Variants in CDIN1 observed in about 807,000 individuals in gnomAD.
CDIN1 encodes the protein CDAN1-interacting nuclease 1.
In CDIN1, 33 loss-of-function variants were observed where a neutral mutation model predicts 45.3. That is an observed-to-expected ratio of 0.73 (90% CI 0.55 to 0.97). The LOEUF is 0.97. Among genes scored for constraint, CDIN1 ranks in the 50% least tolerant of loss-of-function variants. The probability of loss-of-function intolerance (pLI) is 0.00; values close to 1 mark genes in which losing one functional copy is unlikely to be tolerated. For synonymous variants in CDIN1, 118 were observed against 124.4 expected (o/e 0.95, Z 0.34); for missense variants, 303 against 339.4 (o/e 0.89, Z 0.84).
At chr15:36,618,888 C>A in intron 1 of CDIN1, 1 of 1,150,630 alleles carries the variant, frequency 8.7e-7, no homozygotes, top group Non-Finnish European at 1.3e-6. Flanking sequence ...ACTGCCTCAC[C>A]ATGTAATCGT....
intron 1 of CDIN1, among the ~76,000 whole-genome samples, chr15:36,628,521 G>A (rs2039545998): frequency 6.6e-6 from 1 of 152,064 alleles, no homozygotes; most frequent in Non-Finnish European, 1.5e-5. Flanking sequence ...TAAATATCTA[G>A]AAGTGCCTCA....
At chr15:36,617,969 A>T (rs1470100617) in intron 1 of CDIN1, 1 of 768,630 alleles carries the variant, frequency 1.3e-6, no homozygotes. Context: ...TAGTCAGCCC[A>T]TTCAGACTCA....
intron 10 of CDIN1, among the ~76,000 whole-genome samples, chr15:36,778,669 T>A (rs942104795): frequency 6.6e-6 from 1 of 152,148 alleles, no homozygotes; most frequent in Non-Finnish European, 1.5e-5. Flanking sequence ...GTTGGCAGGT[T>A]TTAGGGGTGG....
intron 1 of CDIN1, among the ~76,000 whole-genome samples, chr15:36,619,974 C>T (rs1219844806): frequency 5.3e-5 from 8 of 151,782 alleles, no homozygotes; most frequent in African/African-American, 1.9e-4. Flanking sequence ...TTTCCTTCAA[C>T]AAGTTGTAAA....
At chr15:36,694,868 C>T (rs2042370157) in intron 7 of CDIN1, among the ~76,000 whole-genome samples, 1 of 152,148 alleles carries the variant, frequency 6.6e-6, no homozygotes, top group African/African-American at 2.4e-5. Flanking sequence ...AATGAGAGCA[C>T]ATTTATGTGG....
At chr15:36,687,582 AT>A (rs2042106295) in intron 5 of CDIN1, among the ~76,000 whole-genome samples, 2 of 152,338 alleles carry the variant, frequency 1.3e-5, no homozygotes, top group Admixed American at 1.3e-4. Flanking sequence ...AATTCAGTGT[AT>A]AACAACTGAG....
chr15:36,650,985 C>T (rs918871610), intron 3 of CDIN1, among the ~76,000 whole-genome samples: 2 of 151,966 alleles, frequency 1.3e-5, no homozygotes, highest in African/African-American at 4.8e-5. Context: ...ATTGCTTGAA[C>T]CCAGGAGGCG....
In CDIN1 at chr15:36,598,669, C is replaced by A. The variant is rs575665750; in HGVS notation, c.101+18708C>A. On this transcript the variant is annotated intron_variant, in intron 1 of 10. Coordinates refer to ENST00000566621, the MANE Select transcript of CDIN1 (RefSeq NM_001321759.2). Reference sequence around the variant, plus strand: ...TGCCACGTCTAATCTATTTCCCTCCCTTCCTCCCTTTCTATTTTCCTCTCT... The same window carrying A: ...TGCCACGTCTAATCTATTTCCCTCCATTCCTCCCTTTCTATTTTCCTCTCT... Among the ~76,000 whole-genome samples, 11 of 152,040 alleles carry A rather than the reference C, an allele frequency of 7.2e-5. No individual in the cohort carries two copies. The South Asian group carries it at 2.3e-3, about 32-fold the overall frequency.
intron 10 of CDIN1, among the ~76,000 whole-genome samples, chr15:36,719,376 G>A (rs931793067): frequency 1.3e-5 from 2 of 152,064 alleles, no homozygotes; most frequent in Non-Finnish European, 1.5e-5. Flanking sequence ...CATCTATTAC[G>A]ATGATCATAT....
At chr15:36,709,832 T>G (rs2042993136) in intron 9 of CDIN1, 24 bp from the exon 10 acceptor site, 2 of 1,582,922 alleles carry the variant, frequency 1.3e-6, no homozygotes, top group African/African-American at 2.7e-5. Flanking sequence ...CTTCTCCGTA[T>G]ATTAGTAATG....
chr15:36,661,065 A>G (rs1271101729), intron 5 of CDIN1, among the ~76,000 whole-genome samples: 5 of 152,206 alleles, frequency 3.3e-5, no homozygotes, highest in Non-Finnish European at 5.9e-5. Context: ...ATGTGAGGCC[A>G]GTGTACAGGT....
chr15:36,763,245 G>A (rs1194358811), intron 10 of CDIN1, among the ~76,000 whole-genome samples: 4 of 152,164 alleles, frequency 2.6e-5, no homozygotes, highest in South Asian at 2.1e-4. Context: ...GATGGCCAGG[G>A]ATGATGAGCA....
intron 5 of CDIN1, among the ~76,000 whole-genome samples, chr15:36,674,549 C>G (rs539772210): frequency 6.6e-6 from 1 of 152,252 alleles, no homozygotes; most frequent in East Asian, 1.9e-4. Flanking sequence ...GTTTATTACA[C>G]ACAACTATTT....
chr15:36,667,503 T>C (rs964613154), intron 5 of CDIN1, among the ~76,000 whole-genome samples: 1 of 152,178 alleles, frequency 6.6e-6, no homozygotes. Context: ...AGAAATCCTA[T>C]GGAAGGTTGA....
chr15:36,616,930 A>AAT (rs568046719), intron 1 of CDIN1, among the ~76,000 whole-genome samples: 3,048 of 151,374 alleles, frequency 0.02, 43 homozygotes, highest in Non-Finnish European at 0.03. Flanking sequence ...GTGTCAAAAA[A>AAT]ATATATATAT....
intron 5 of CDIN1, among the ~76,000 whole-genome samples, chr15:36,665,261 A>G (rs1462661048): frequency 1.3e-5 from 2 of 152,206 alleles, no homozygotes; most frequent in African/African-American, 4.8e-5. Flanking sequence ...TAATGATTGT[A>G]TTGAAAGATT....
rs140067889 is a variant in CDIN1 at position 36,807,099 on chromosome 15, T to A, written c.717-1225T>A. 5.9e-3 allele frequency among the ~76,000 whole-genome samples: 897 copies of A among 152,252 alleles called. 12 individuals carry two copies. The highest frequency in any genetic ancestry group is 0.02 in the African/African-American group (839 of 41,548). On this transcript the variant is annotated intron_variant, in intron 10 of 10. Transcript: ENST00000566621. ...AGGGGAATCCCAAAGTTTTAAATAA[T>A]CTTGAATACAACTTGGCTACCCCAC...
chr15:36,785,325 G>A (rs2141066696), intron 10 of CDIN1, among the ~76,000 whole-genome samples: 1 of 152,302 alleles, frequency 6.6e-6, no homozygotes, highest in Middle Eastern at 3.4e-3. Flanking sequence ...TAGTCTGTCT[G>A]ATGCTCTTCT....
In CDIN1 at chr15:36,810,207, T is replaced by G. The variant is rs2055351457; in HGVS notation, c.*1754T>G. ...TTTATTTTACATTAAACAAATTTAT[T>G]ATGATGAACGTGAACAAATAAATTA... is the stretch of plus-strand genomic sequence containing the variant. On this transcript the variant is annotated 3_prime_UTR_variant, in exon 11 of 11. Transcript: ENST00000566621. 6.6e-6 allele frequency: 1 copy of G among 152,204 alleles called. No homozygotes were observed. Among genetic ancestry groups the G allele is most frequent in the Non-Finnish European group, 1.5e-5 (1 of 68,036 alleles). The allele number at this position is 152,204 out of a possible 1,614,324, so 9.4% of individuals were successfully genotyped here.
Sources: allele counts gnomAD v4.1 joint callset (sites outside exome capture counted in the v4.1 genomes callset), GRCh38; gene constraint gnomAD v4.1.1; transcripts MANE v1.5; gene names NCBI Gene and HGNC (gene_info 2026-07-23, HGNC 2026-07-21).